Variants in GLB1L2 observed in about 807,000 individuals in gnomAD.
The protein encoded by GLB1L2 is galactosidase beta 1 like 2, also known as beta-galactosidase-1-like protein 2.
In GLB1L2, 68 loss-of-function variants were observed where a neutral mutation model predicts 84.1. That is an observed-to-expected ratio of 0.81 (90% CI 0.67 to 0.99). The LOEUF (loss-of-function observed/expected upper bound fraction) is 0.99, where lower values mean the gene tolerates loss of function less well. Ranked by LOEUF, GLB1L2 falls within the 50% of genes least tolerant of loss-of-function variation. GLB1L2 has a pLI of 0.00. For missense variants in GLB1L2, 762 were observed against 805.6 expected (o/e 0.95, Z 0.66); for synonymous variants, 290 against 318.0 (o/e 0.91, Z 0.94).
At position 134,334,717 on chromosome 11, in the gene GLB1L2, G is replaced by A. The variant is rs938442439; in HGVS notation, c.86+2570G>A. ...CTGTTGCTTTCCGACACGATATATT[G>A]GTTTGCATTTTCTAGTGTTTTATAG... On this transcript the variant is annotated intron_variant, in intron 1 of 18. Transcript: ENST00000535456. The surrounding 1 kb of genome is among the most constrained non-coding windows in gnomAD (Gnocchi z 4.1). Among the ~76,000 whole-genome samples, 22 of 152,014 alleles carry A rather than the reference G, an allele frequency of 1.4e-4. No homozygotes were observed. The highest frequency in any genetic ancestry group is 4.6e-4 in the African/African-American group (19 of 41,356).
At chr11:134,365,392 A>G (rs951266676) in intron 8 of GLB1L2, among the ~76,000 whole-genome samples, 1 of 152,174 alleles carries the variant, frequency 6.6e-6, no homozygotes, top group African/African-American at 2.4e-5. Flanking sequence ...GTGCCTGCCC[A>G]TGTGTGCAGT....
intron 7 of GLB1L2, chr11:134,359,413 G>A (rs1296372086): frequency 1.3e-5 from 4 of 319,676 alleles, no homozygotes; most frequent in Non-Finnish European, 1.7e-5. Flanking sequence ...CTTCACGTGC[G>A]GGCTTCCTGT....
rs541712983 is a variant in GLB1L2 at position 134,338,051 on chromosome 11, G to A, written c.87-4703G>A. Among the ~76,000 whole-genome samples the A allele has an allele frequency of 1.3e-5, 2 of 152,318 alleles. No individual in the cohort carries two copies. The highest frequency in any genetic ancestry group is 2.1e-4 in the South Asian group (1 of 4,824). ...GTTCCTGACTCAGATACCAGCTTGCGTATGCTGGTGGCCAGCCTCGGACTG... is the reference window on the plus strand; with the variant it reads ...GTTCCTGACTCAGATACCAGCTTGCATATGCTGGTGGCCAGCCTCGGACTG... On this transcript the variant is annotated intron_variant, in intron 1 of 18. Transcript: ENST00000535456. This position sits in a 1 kb window ranked among gnomAD's most constrained non-coding sequence, Gnocchi z 6.2.
rs1444782480 is a variant in GLB1L2, at chr11:134,374,639, A to T, written c.1745A>T (p.Asn582Ile). 3.1e-6 allele frequency: 5 copies of T among 1,614,006 alleles called. No individual in the cohort carries two copies. The highest frequency in any genetic ancestry group is 4.2e-6 in the Non-Finnish European group (5 of 1,179,958). Residue 582 changes from asparagine (N) to isoleucine (I), a missense_variant, in exon 18 of 19, where the codon AAC (asparagine) becomes ATC (isoleucine). Physicochemically the swap from Asn to Ile is moderately radical, Grantham distance 149. Transcript: ENST00000535456. The part of the protein sequence containing the change: ...EKGVVFINGQ[N>I]LGRYWNIGPQ... ...GGGGTTGTATTCATCAATGGCCAGA[A>T]CCTTGGACGTTACTGGAACATTGGA...
chr11:134,367,977 C>T (rs961906373), intron 9 of GLB1L2, among the ~76,000 whole-genome samples: 1 of 152,208 alleles, frequency 6.6e-6, no homozygotes, highest in African/African-American at 2.4e-5. Flanking sequence ...GGATGAGCGG[C>T]ACAGGGGCTC....
At chr11:134,358,315 C>T (rs1406051910) in intron 6 of GLB1L2, among the ~76,000 whole-genome samples, 1 of 152,254 alleles carries the variant, frequency 6.6e-6, no homozygotes, top group Non-Finnish European at 1.5e-5. Flanking sequence ...CGATGCTTGA[C>T]TTCACGCCTC....
At chr11:134,332,709 C>G (rs550396939) in intron 1 of GLB1L2, among the ~76,000 whole-genome samples, 1 of 152,162 alleles carries the variant, frequency 6.6e-6, no homozygotes, top group Non-Finnish European at 1.5e-5. Context: ...ACTGATAGGT[C>G]GTCTCTCTCC....
At chr11:134,347,077 G>C (rs1050053034) in intron 4 of GLB1L2, 8 of 479,816 alleles carry the variant, frequency 1.7e-5, no homozygotes, top group African/African-American at 1.5e-4. Flanking sequence ...AGGCCCTGTA[G>C]CTGTGGAGCT....
At chr11:134,335,299 T>C (rs939884548) in intron 1 of GLB1L2, among the ~76,000 whole-genome samples, 1 of 151,950 alleles carries the variant, frequency 6.6e-6, no homozygotes, top group Non-Finnish European at 1.5e-5. Flanking sequence ...ATGCCTCTCC[T>C]CTGGAGCTTC....
intron 7 of GLB1L2, among the ~76,000 whole-genome samples, chr11:134,359,383 G>A (rs576767604): frequency 1.8e-4 from 28 of 152,270 alleles, no homozygotes; most frequent in African/African-American, 6.7e-4. Context: ...CGGGCTCCAA[G>A]GGCACTCTGC....
At chr11:134,367,236 C>T in intron 8 of GLB1L2, 21 bp from the exon 9 acceptor site, 1 of 1,607,416 alleles carries the variant, frequency 6.2e-7, no homozygotes, top group Non-Finnish European at 8.5e-7. Context: ...GCTTGTCTAA[C>T]TCTCATTTTG....
chr11:134,353,813 T>C (rs560649695), intron 5 of GLB1L2, among the ~76,000 whole-genome samples: 25 of 152,348 alleles, frequency 1.6e-4, no homozygotes, highest in Non-Finnish European at 2.8e-4. Flanking sequence ...GTAACAGTTT[T>C]TGATATAAAG....
chr11:134,336,890 G>A lies in GLB1L2; in HGVS notation c.86+4743G>A, dbSNP rs181915338. Among the ~76,000 whole-genome samples, 3 of 152,322 alleles carry A rather than the reference G, an allele frequency of 2.0e-5. No homozygotes were observed. The East Asian group carries it at 5.8e-4, about 29-fold the overall frequency. ...TGTTATCTAACAGAGCTTTCTCTCT[G>A]GGTGAGACACAGTCCTTTTCCTGTT... On this transcript the variant is annotated intron_variant, in intron 1 of 18. Coordinates refer to ENST00000535456, the MANE Select transcript of GLB1L2 (RefSeq NM_001370461.1).
intron 17 of GLB1L2, 95 bp downstream of exon 17, chr11:134,374,351 T>C: frequency 1.9e-6 from 2 of 1,052,212 alleles, no homozygotes; most frequent in Non-Finnish European, 2.9e-6. Flanking sequence ...GAGTCGTTGG[T>C]GGCTTCTGTG....
chr11:134,357,619 G>A (rs530191636), intron 6 of GLB1L2, among the ~76,000 whole-genome samples: 38 of 152,376 alleles, frequency 2.5e-4, no homozygotes, highest in African/African-American at 7.0e-4. Context: ...AGAGCCCCAC[G>A]AGAGGAGAGT....
intron 7 of GLB1L2, among the ~76,000 whole-genome samples, chr11:134,362,020 G>A (rs758400502): frequency 6.6e-6 from 1 of 152,210 alleles, no homozygotes; most frequent in Non-Finnish European, 1.5e-5. Context: ...TGCGGGTTGT[G>A]CGTGTCTTTC....
intron 4 of GLB1L2, among the ~76,000 whole-genome samples, chr11:134,345,728 C>T (rs1342444210): frequency 6.6e-6 from 1 of 152,312 alleles, no homozygotes; most frequent in East Asian, 1.9e-4. Flanking sequence ...CTCGGCCTCC[C>T]AAAGTGCTGG....
At position 134,343,808 on chromosome 11, in the gene GLB1L2, C is replaced by T. The variant is rs1388624410; in HGVS notation, c.285-579C>T. Among the ~76,000 whole-genome samples, 5 of 152,166 alleles carry T rather than the reference C, an allele frequency of 3.3e-5. No individual in the cohort carries two copies. The East Asian group carries it at 9.6e-4, about 29-fold the overall frequency. On this transcript the variant is annotated intron_variant, in intron 2 of 18. Transcript: ENST00000535456. The stretch of plus-strand genomic sequence containing the variant: ...GTCTGGGTTGGAAGCCAGGCAGGCT[C>T]TCCTCCTTCATCTGAGAATATTCTT...
chr11:134,358,550 G>T (rs561998480), intron 6 of GLB1L2, among the ~76,000 whole-genome samples: 1 of 152,380 alleles, frequency 6.6e-6, no homozygotes, highest in Admixed American at 6.5e-5. Context: ...GCAGTGCACC[G>T]TGGGCACGTG....
Sources: gnomAD v4.1 joint callset for allele counts (sites outside exome capture counted in the v4.1 genomes callset) on GRCh38, gnomAD v4.1.1 for gene constraint, Gnocchi (gnomAD v3.1) non-coding constraint, MANE v1.5 for transcripts, NCBI Gene and HGNC (gene_info 2026-07-23, HGNC 2026-07-21) for gene names.